Variants in TENT2 observed in about 807,000 individuals in gnomAD.
TENT2 encodes terminal nucleotidyltransferase 2.
TENT2 carries 44 observed loss-of-function variants against 72.2 expected under a neutral mutation model. The observed-to-expected ratio is 0.61, with a 90% CI of 0.48 to 0.78. TENT2 has a LOEUF of 0.78. TENT2 is among the 30% of genes least tolerant of loss of function. The probability of loss-of-function intolerance (pLI) is 0.00; values close to 1 mark genes in which losing one functional copy is unlikely to be tolerated. For missense variants in TENT2, 541 were observed against 569.6 expected (o/e 0.95, Z 0.51); for synonymous variants, 212 against 192.5 (o/e 1.10, Z -0.84).
intron 4 of TENT2, among the ~76,000 whole-genome samples, chr5:79,627,155 T>G (rs61563388): frequency 0.2 from 30,428 of 151,294 alleles, 4,535 homozygotes; most frequent in African/African-American, 0.41. Flanking sequence ...TCTTTTACTG[T>G]TTTTTTAAGG....
chr5:79,619,694 C>A lies in TENT2; in HGVS notation c.46C>A (p.His16Asn). The A allele has an allele frequency of 6.2e-7, 1 of 1,613,840 alleles. No individual in the cohort carries two copies. The highest frequency in any genetic ancestry group is 8.5e-7 in the Non-Finnish European group (1 of 1,179,812). The change falls in exon 2 of 15, where the codon CAT becomes AAT. Residue 16 changes from histidine to asparagine, a missense_variant. By Grantham distance (68) the His-to-Asn change is moderately conservative. Transcript: ENST00000453514. Reference protein sequence around the residue: ...ILGRPPFTPNHQQHNNFFTLS... With the variant: ...ILGRPPFTPNNQQHNNFFTLS... ...GGGTCGCCCACCCTTCACTCCAAAT[C>A]ATCAACAACATAATAACTTCTTTAC...
At chr5:79,620,159 T>G (rs1031801018) in intron 3 of TENT2, 76 bp downstream of exon 3, 6 of 977,572 alleles carry the variant, frequency 6.1e-6, no homozygotes, top group Non-Finnish European at 6.3e-6. Flanking sequence ...CTTGAATTAA[T>G]ATTGTATGGA....
At chr5:79,661,806 CATTG>C (rs1181290345) in intron 11 of TENT2, among the ~76,000 whole-genome samples, 7 of 152,092 alleles carry the variant, frequency 4.6e-5, no homozygotes, top group Admixed American at 3.9e-4. Flanking sequence ...AAGTTTGCCA[CATTG>C]ATTGATTCTT....
In TENT2 at chr5:79,648,683, T is replaced by C; in HGVS notation, c.888T>C (p.Thr296=). The part of the protein sequence containing the change: ...VGIRNTFLLR[T]YAYLENRVRP... ...TAAGAAACACATTCCTTCTCAGAAC[T>C]TATGCATACCGTAAGTTTGTTGTTT... is the stretch of plus-strand genomic sequence containing the variant. Residue 296 remains threonine, a synonymous_variant, in exon 9 of 15, where the codon ACT becomes ACC. Coordinates refer to ENST00000453514, the MANE Select transcript of TENT2 (RefSeq NM_001114394.3). 6.3e-7 allele frequency: 1 copy of C among 1,590,424 alleles called. No homozygotes were observed. Among genetic ancestry groups the C allele is most frequent in the Non-Finnish European group, 8.6e-7 (1 of 1,168,676 alleles).
In TENT2 at chr5:79,686,763, A is replaced by T. The variant is rs1826176411; in HGVS notation, c.*1490A>T. On this transcript the variant is annotated 3_prime_UTR_variant, in exon 15 of 15. Coordinates refer to ENST00000453514, the MANE Select transcript of TENT2 (RefSeq NM_001114394.3). The stretch of plus-strand genomic sequence containing the variant: ...AGCCAGCTAACGACATCAATATCTT[A>T]TGTCTCTGGCATTATGAGGAATGAA... 6.6e-6 allele frequency: 1 copy of T among 152,118 alleles called. No homozygotes were observed. Among genetic ancestry groups the T allele is most frequent in the East Asian group, 1.9e-4 (1 of 5,192 alleles). 9.4% of individuals were successfully genotyped at this position (152,118 alleles called of 1,614,324 possible).
Position 79,612,455 on chromosome 5 carries a change from C to CTTTGACACGG in TENT2, c.-658_-657insTTTGACACGG, listed in dbSNP as rs1436607316. The CTTTGACACGG allele has an allele frequency of 1.3e-5, 2 of 151,630 alleles. No individual in the cohort carries two copies. Among genetic ancestry groups the CTTTGACACGG allele is most frequent in the African/African-American group, 4.9e-5 (2 of 41,138 alleles). The allele number at this position is 151,630 out of a possible 1,614,324, so 9.4% of individuals were successfully genotyped here. The stretch of plus-strand genomic sequence containing the variant: ...TGCCTATTCTCATCCGGGGTCACGT[C>CTTTGACACGG]GGTCTTCCGGGTGTCTTTGACAGGG... On this transcript the variant is annotated 5_prime_UTR_variant, in exon 1 of 15. Transcript: ENST00000453514.
chr5:79,654,030 T>C (rs1467108808), intron 10 of TENT2, among the ~76,000 whole-genome samples: 2 of 152,224 alleles, frequency 1.3e-5, no homozygotes, highest in African/African-American at 2.4e-5. Context: ...TTAACACATT[T>C]CCTAGAATAA....
chr5:79,625,681 C>T (rs1270817903), intron 4 of TENT2, among the ~76,000 whole-genome samples: 1 of 151,812 alleles, frequency 6.6e-6, no homozygotes, highest in African/African-American at 2.4e-5. Flanking sequence ...GTCCAGTTGT[C>T]CTAGCAGCTT....
At chr5:79,682,394 C>T (rs1430130527) in intron 14 of TENT2, among the ~76,000 whole-genome samples, 1 of 152,086 alleles carries the variant, frequency 6.6e-6, no homozygotes, top group Non-Finnish European at 1.5e-5. Flanking sequence ...ATTCTCCTGC[C>T]TCAGCCTCCC....
chr5:79,647,665 A>G (rs967547349), intron 8 of TENT2, among the ~76,000 whole-genome samples: 2 of 152,222 alleles, frequency 1.3e-5, no homozygotes, highest in Non-Finnish European at 2.9e-5. Flanking sequence ...TATAATTAAT[A>G]TAGAAATATT....
chr5:79,658,605 G>A (rs1480679791), intron 11 of TENT2, among the ~76,000 whole-genome samples: 1 of 152,116 alleles, frequency 6.6e-6, no homozygotes, highest in African/African-American at 2.4e-5. Flanking sequence ...TTAAGACACA[G>A]GTGTCAGTGT....
intron 4 of TENT2, among the ~76,000 whole-genome samples, chr5:79,640,012 T>C (rs1783126669): frequency 6.6e-6 from 1 of 152,006 alleles, no homozygotes; most frequent in African/African-American, 2.4e-5. Flanking sequence ...ATCCCAGCAC[T>C]TTGGGAGGCT....
intron 14 of TENT2, among the ~76,000 whole-genome samples, chr5:79,684,690 G>A (rs1240266199): frequency 2.0e-5 from 3 of 152,172 alleles, no homozygotes; most frequent in Non-Finnish European, 1.5e-5. Flanking sequence ...GAATTAATCC[G>A]TGAATAAATA....
chr5:79,636,093 C>T (rs1245636141), intron 4 of TENT2, among the ~76,000 whole-genome samples: 1 of 48 alleles, frequency 0.021, no homozygotes, highest in Non-Finnish European at 0.036. Context: ...AAATAGTTCG[C>T]CAACCCTGCT....
In TENT2 at chr5:79,679,710, A is replaced by G. The variant is rs778892918; in HGVS notation, c.1300+40A>G. ...ACCATCTACGTATCATCATGGTACTAAGAGAATTACTTGAGTAATTTCAGC... is the reference window on the plus strand; with the variant it reads ...ACCATCTACGTATCATCATGGTACTGAGAGAATTACTTGAGTAATTTCAGC... On this transcript the variant is annotated intron_variant, in intron 13 of 14. Coordinates refer to ENST00000453514, the MANE Select transcript of TENT2 (RefSeq NM_001114394.3). 8.6e-6 allele frequency: 10 copies of G among 1,169,442 alleles called. No individual in the cohort carries two copies. The Admixed American group carries it at 1.5e-4, about 17-fold the overall frequency. The allele number at this position is 1,169,442 out of a possible 1,614,324, so 72.4% of individuals were successfully genotyped here.
At chr5:79,615,634 A>C (rs548030363) in intron 1 of TENT2, among the ~76,000 whole-genome samples, 1 of 152,188 alleles carries the variant, frequency 6.6e-6, no homozygotes, top group African/African-American at 2.4e-5. Context: ...GCCAAGAAGG[A>C]GTGTGAGCCT....
Position 79,623,244 on chromosome 5 carries a change from G to A in TENT2, c.228-8G>A, listed in dbSNP as rs774573718. ...CTTTAATTACTAAGGTATATTGCTT[G>A]TTTTCAGGAGATTAAGCGATGAAAA... On this transcript the variant is annotated splice_polypyrimidine_tract_variant and splice_region_variant and intron_variant, in intron 3 of 14. Transcript: ENST00000453514. The A allele has an allele frequency of 4.4e-6, 7 of 1,602,882 alleles. No individual in the cohort carries two copies. The Admixed American group carries it at 5.1e-5, about 12-fold the overall frequency.
At chr5:79,636,676 G>C (rs56129912) in intron 4 of TENT2, among the ~76,000 whole-genome samples, 13,681 of 152,004 alleles carry the variant, frequency 0.09, 736 homozygotes, top group African/African-American at 0.15. Context: ...GAATCTAAAG[G>C]TCAATTCTGG....
At chr5:79,667,390 A>C (rs6894524) in intron 11 of TENT2, among the ~76,000 whole-genome samples, 1 of 151,882 alleles carries the variant, frequency 6.6e-6, no homozygotes, top group African/African-American at 2.4e-5. Flanking sequence ...AAATATTGTC[A>C]CCCTAAGTTC....
Sources: gnomAD v4.1 joint callset for allele counts (sites outside exome capture counted in the v4.1 genomes callset) on GRCh38, gnomAD v4.1.1 for gene constraint, MANE v1.5 for transcripts, NCBI Gene and HGNC (gene_info 2026-07-23, HGNC 2026-07-21) for gene names.